EPN2: variants seen among roughly 807,000 people sequenced by gnomAD.
EPN2 encodes epsin-2.
In EPN2, 34 loss-of-function variants were observed where a neutral mutation model predicts 61.7. The observed-to-expected ratio is 0.55, with a 90% CI of 0.42 to 0.73. EPN2 has a LOEUF of 0.73. Ranked by LOEUF, EPN2 falls within the 30% of genes least tolerant of loss-of-function variation. The pLI is 0.00. For synonymous variants in EPN2, 349 were observed against 353.6 expected (o/e 0.99, Z 0.15); for missense variants, 714 against 839.2 (o/e 0.85, Z 1.84).
In EPN2 at chr17:19,334,179, G is replaced by A; in HGVS notation, c.1851G>A (p.Met617Ile). Residue 617 changes from methionine (M) to isoleucine (I), a missense_variant, in exon 11 of 11, where the codon ATG (methionine) becomes ATA (isoleucine). This residue lies in a region of EPN2 where 410 missense variants were observed against 421.8 expected (regional missense o/e 0.97). Transcript: ENST00000314728. The surrounding 1 kb of genome is among the most constrained non-coding windows in gnomAD (Gnocchi z 4.9). ...SSLTPLGPAMMNMVGSVGIPP... is the reference protein window; with the variant it reads ...SSLTPLGPAMINMVGSVGIPP... ...TGACACCACTGGGCCCTGCAATGAT[G>A]AACATGGTGGGCAGTGTGGGTATAC... 1 of 1,580,880 alleles carries A rather than the reference G, an allele frequency of 6.3e-7. No individual in the cohort carries two copies. The highest frequency in any genetic ancestry group is 1.2e-5 in the South Asian group (1 of 86,342).
At chr17:19,272,267 C>G (rs2045262344) in intron 1 of EPN2, among the ~76,000 whole-genome samples, 1 of 152,176 alleles carries the variant, frequency 6.6e-6, no homozygotes, top group African/African-American at 2.4e-5. Flanking sequence ...AGCGGCCATC[C>G]TCAGAGGAGG....
chr17:19,334,005 C>T lies in EPN2; in HGVS notation c.1677C>T (p.Pro559=), dbSNP rs1403341248. 2 of 1,590,658 alleles carry T rather than the reference C, an allele frequency of 1.3e-6. No homozygotes were observed. Among genetic ancestry groups the T allele is most frequent in the East Asian group, 2.3e-5 (1 of 44,058 alleles). The change falls in exon 11 of 11, where the codon CCC becomes CCT. Residue 559 remains proline, a synonymous_variant. Coordinates refer to ENST00000314728, the MANE Select transcript of EPN2 (RefSeq NM_014964.5). This position sits in a 1 kb window ranked among gnomAD's most constrained non-coding sequence, Gnocchi z 4.9. ...APVNPFQVNQ[P]QPLTLNQLRG... ...TTAACCCTTTCCAGGTGAACCAGCC[C>T]CAGCCGCTGACACTGAACCAGCTTC...
chr17:19,278,556 C>T (rs1253895799), intron 1 of EPN2, among the ~76,000 whole-genome samples: 2 of 152,196 alleles, frequency 1.3e-5, no homozygotes, highest in African/African-American at 2.4e-5. Flanking sequence ...TTACCTCTCC[C>T]GGGTCCCTTC....
chr17:19,249,339 C>T (rs2044987606), intron 1 of EPN2: 1 of 152,234 alleles, frequency 6.6e-6, no homozygotes, highest in Non-Finnish European at 1.5e-5. Flanking sequence ...TTCCAGAGGA[C>T]CTGAAGAGCC....
intron 5 of EPN2, 26 bp from the exon 6 acceptor site, chr17:19,312,026 T>C: frequency 2.0e-6 from 3 of 1,469,942 alleles, no homozygotes; most frequent in Non-Finnish European, 2.9e-6. Flanking sequence ...TTATTACAAT[T>C]ACCAGTTTGC....
chr17:19,259,400 C>T (rs2045115829), intron 1 of EPN2, among the ~76,000 whole-genome samples: 1 of 150,642 alleles, frequency 6.6e-6, no homozygotes, highest in Non-Finnish European at 1.5e-5. Context: ...GCAAGCTCCA[C>T]CTCCCGGGTT....
At chr17:19,248,403 C>T (rs929070166) in intron 1 of EPN2, 2 of 152,208 alleles carry the variant, frequency 1.3e-5, no homozygotes, top group Middle Eastern at 3.2e-3. Flanking sequence ...TATCTGTTCT[C>T]TCAAGCTTGC....
Position 19,333,291 on chromosome 17 carries a change from G to A in EPN2, c.1628-665G>A, listed in dbSNP as rs186559531. On this transcript the variant is annotated intron_variant, in intron 10 of 10. Coordinates refer to ENST00000314728, the MANE Select transcript of EPN2 (RefSeq NM_014964.5). ...AGGCAGCTTTGTTGGCTGCACACCAGTCATGGTTCCTGGGGGCTGCAGCCA... is the reference window on the plus strand; with the variant it reads ...AGGCAGCTTTGTTGGCTGCACACCAATCATGGTTCCTGGGGGCTGCAGCCA... 1.7e-3 allele frequency among the ~76,000 whole-genome samples: 261 copies of A among 152,324 alleles called. 2 individuals carry two copies. Among genetic ancestry groups the A allele is most frequent in the African/African-American group, 6.1e-3 (255 of 41,560 alleles).
chr17:19,283,432 A>T lies in EPN2; in HGVS notation c.313A>T (p.Thr105Ser). Residue 105 changes from threonine (T) to serine (S), a missense_variant, in exon 3 of 11, where the codon ACC (threonine) becomes TCC (serine). Thr to Ser is a moderately conservative substitution (Grantham distance 58). Around this residue, in one of 2 missense-constraint regions of EPN2, gnomAD observed 304 missense variants for 417.4 expected, o/e 0.73. Transcript: ENST00000314728. The surrounding 1 kb of genome is among the most constrained non-coding windows in gnomAD (Gnocchi z 7.0). ...CCGGGAGAACATCTTCGCCATCCAG[A>T]CCCTGAAGGACTTCCAGTACATTGA... is the stretch of plus-strand genomic sequence containing the variant. ...QCRENIFAIQ[T>S]LKDFQYIDRD... The T allele has an allele frequency of 6.2e-7, 1 of 1,614,184 alleles. No individual in the cohort carries two copies.
At chr17:19,246,648 A>C (rs1045629911) in intron 1 of EPN2, among the ~76,000 whole-genome samples, 1 of 152,000 alleles carries the variant, frequency 6.6e-6, no homozygotes, top group Admixed American at 6.5e-5. Flanking sequence ...AATGTGAGCA[A>C]AAAGTTGTAT....
At chr17:19,300,475 C>T (rs1168632103) in intron 4 of EPN2, among the ~76,000 whole-genome samples, 1 of 121,472 alleles carries the variant, frequency 8.2e-6, no homozygotes, top group Admixed American at 1.0e-4. Flanking sequence ...GTTGCCCAAG[C>T]TGGAGTGCAG....
At chr17:19,310,853 C>T (rs754401248) in intron 5 of EPN2, among the ~76,000 whole-genome samples, 1 of 152,110 alleles carries the variant, frequency 6.6e-6, no homozygotes, top group South Asian at 2.1e-4. Flanking sequence ...GCTGAGAGTA[C>T]AGTCTTGGGC....
rs144037192 is a variant in EPN2 at position 19,315,333 on chromosome 17, G to A, written c.1147+2054G>A. Reference sequence around the variant, plus strand: ...TTGAGAGCACCCTGGGGTGAGACTCGGTACAGGAGTCCAGGGGGTGTGAGC... The same window carrying A: ...TTGAGAGCACCCTGGGGTGAGACTCAGTACAGGAGTCCAGGGGGTGTGAGC... On this transcript the variant is annotated intron_variant, in intron 7 of 10. Transcript: ENST00000314728. Among the ~76,000 whole-genome samples the A allele has an allele frequency of 2.0e-5, 3 of 152,198 alleles. No homozygotes were observed. The East Asian group carries it at 5.8e-4, about 29-fold the overall frequency.
chr17:19,269,833 C>G (rs2045236365), intron 1 of EPN2, among the ~76,000 whole-genome samples: 1 of 152,150 alleles, frequency 6.6e-6, no homozygotes, highest in African/African-American at 2.4e-5. Context: ...GGGAAAGGAT[C>G]CATTATGGCC....
At chr17:19,256,158 C>T (rs1240085024) in intron 1 of EPN2, among the ~76,000 whole-genome samples, 2 of 151,894 alleles carry the variant, frequency 1.3e-5, no homozygotes, top group East Asian at 1.9e-4. Flanking sequence ...AGGATGGTCG[C>T]GATCTCCTGA....
chr17:19,262,434 C>T (rs540606703), intron 1 of EPN2, among the ~76,000 whole-genome samples: 1 of 151,950 alleles, frequency 6.6e-6, no homozygotes, highest in East Asian at 1.9e-4. Context: ...GCCGAGATCA[C>T]ACCACTGCAC....
intron 1 of EPN2, among the ~76,000 whole-genome samples, chr17:19,267,809 G>A (rs1219864047): frequency 6.6e-6 from 1 of 152,264 alleles, no homozygotes; most frequent in East Asian, 1.9e-4. Context: ...CCAAAGTGCC[G>A]GGATTACAGG....
At chr17:19,312,404 C>T (rs997403783) in intron 6 of EPN2, among the ~76,000 whole-genome samples, 5 of 152,224 alleles carry the variant, frequency 3.3e-5, no homozygotes, top group Admixed American at 1.3e-4. Context: ...TGCCTCCTGC[C>T]GCTGTGGCTA....
chr17:19,291,330 C>T (rs1030136547), intron 4 of EPN2, among the ~76,000 whole-genome samples: 2 of 152,098 alleles, frequency 1.3e-5, no homozygotes, highest in African/African-American at 4.8e-5. Flanking sequence ...GCCTTCGGGC[C>T]ATGCCTCCAC....
Sources: allele counts gnomAD v4.1 joint callset (sites outside exome capture counted in the v4.1 genomes callset), GRCh38; gene constraint gnomAD v4.1.1; regional missense constraint gnomAD v4.1.1; non-coding constraint Gnocchi (gnomAD v3.1); transcripts MANE v1.5; gene names NCBI Gene and HGNC (gene_info 2026-07-23, HGNC 2026-07-21).